ULK1: variants seen among roughly 807,000 people sequenced by gnomAD.
ULK1 encodes serine/threonine-protein kinase ULK1.
A neutral mutation model predicts 117.5 loss-of-function variants in ULK1; 48 were observed. The ratio of observed to expected loss-of-function variants is 0.41; its 90% confidence interval spans 0.32 to 0.52. The LOEUF (loss-of-function observed/expected upper bound fraction) is 0.52, where lower values mean the gene tolerates loss of function less well. Ranked by LOEUF, ULK1 falls within the 20% of genes least tolerant of loss-of-function variation. ULK1 has a pLI of 0.29. For synonymous variants in ULK1, 790 were observed against 637.8 expected (o/e 1.24, Z -3.60); for missense variants, 1,387 against 1,473.4 (o/e 0.94, Z 0.96).
chr12:131,915,444 A>C (rs780924671), intron 18 of ULK1, 23 bp downstream of exon 18: 1 of 1,608,214 alleles, frequency 6.2e-7, no homozygotes, highest in Non-Finnish European at 8.5e-7. Context: ...CGGAGGGGGG[A>C]GGGGGTGCTA....
intron 18 of ULK1, among the ~76,000 whole-genome samples, chr12:131,915,662 G>A (rs1889745110): frequency 6.6e-6 from 1 of 152,096 alleles, no homozygotes; most frequent in Non-Finnish European, 1.5e-5. Flanking sequence ...TCAGCTACTC[G>A]GGAGGCTGAG....
In ULK1 at chr12:131,902,118, G is replaced by T. The variant is rs1462534309; in HGVS notation, c.247-4774G>T. On this transcript the variant is annotated intron_variant, in intron 3 of 27. Coordinates refer to ENST00000321867, the MANE Select transcript of ULK1 (RefSeq NM_003565.4). The surrounding 1 kb of genome is among the most constrained non-coding windows in gnomAD (Gnocchi z 6.3). Reference sequence around the variant, plus strand: ...CATACACAATGGGCGGCTGCAGGTGGTTCCCCAGGGCCAGAGGGTGGCCCT... The same window carrying T: ...CATACACAATGGGCGGCTGCAGGTGTTTCCCCAGGGCCAGAGGGTGGCCCT... Among the ~76,000 whole-genome samples the T allele has an allele frequency of 2.0e-5, 3 of 152,190 alleles. No individual in the cohort carries two copies. The highest frequency in any genetic ancestry group is 7.2e-5 in the African/African-American group (3 of 41,458).
chr12:131,913,460 C>CCGAGG (rs1449352028), intron 14 of ULK1, among the ~76,000 whole-genome samples: 2 of 151,724 alleles, frequency 1.3e-5, no homozygotes, highest in African/African-American at 4.8e-5. Context: ...CTTTGGGAGG[C>CCGAGG]CGAGGCGGAT....
intron 23 of ULK1, 152 bp downstream of exon 23, chr12:131,918,833 G>GTGTA (rs1566129053): frequency 4.3e-4 from 20 of 46,182 alleles, no homozygotes; most frequent in Non-Finnish European, 1.2e-3. Context: ...GAGTGTGTGG[G>GTGTA]GTGTGGGGTG....
intron 3 of ULK1, among the ~76,000 whole-genome samples, chr12:131,904,885 C>A (rs569590921): frequency 6.6e-6 from 1 of 152,256 alleles, no homozygotes; most frequent in East Asian, 1.9e-4. Flanking sequence ...TCATCTCCCC[C>A]TCCTTCCTGG....
In ULK1 at chr12:131,919,204, T is replaced by G. The variant is rs372900364; in HGVS notation, c.2512-8T>G. The G allele has an allele frequency of 6.9e-5, 109 of 1,589,158 alleles. No homozygotes were observed. Among genetic ancestry groups the G allele is most frequent in the Admixed American group, 1.7e-4 (10 of 58,820 alleles). ...AGCACTTGCCGCCCTGACGGCCGCT[T>G]CCTGCAGCAAGAGCACACGGAGATC... On this transcript the variant is annotated splice_polypyrimidine_tract_variant and splice_region_variant and intron_variant, in intron 23 of 27. Coordinates refer to ENST00000321867, the MANE Select transcript of ULK1 (RefSeq NM_003565.4).
In ULK1 at chr12:131,919,444, C is replaced by T. The variant is rs765491774; in HGVS notation, c.2685-28C>T. 8 of 1,598,714 alleles carry T rather than the reference C, an allele frequency of 5.0e-6. No individual in the cohort carries two copies. In the African/African-American group the frequency reaches 8.0e-5, roughly 16 times the overall value. ...TGGCCTGGGGGCCAGGACCAACCGG[C>T]CTCCTCTGATCTGCCTGCCGCCCCC... On this transcript the variant is annotated intron_variant, in intron 24 of 27. Coordinates refer to ENST00000321867, the MANE Select transcript of ULK1 (RefSeq NM_003565.4).
At chr12:131,912,333 T>C (rs1007320020) in intron 13 of ULK1, among the ~76,000 whole-genome samples, 3 of 152,316 alleles carry the variant, frequency 2.0e-5, no homozygotes, top group Admixed American at 1.3e-4. Flanking sequence ...CTGGTCTCCT[T>C]AGACAGTGCT....
chr12:131,897,121 C>T (rs972066378), intron 3 of ULK1: 3 of 152,262 alleles, frequency 2.0e-5, no homozygotes, highest in Admixed American at 6.5e-5. Flanking sequence ...TTTCTCTACT[C>T]AGGAAGCACT....
chr12:131,895,955 C>T, intron 3 of ULK1, 131 bp downstream of exon 3: 2 of 1,186,454 alleles, frequency 1.7e-6, no homozygotes, highest in South Asian at 1.2e-5. Context: ...GAGACTCCAC[C>T]CTGGGTCCAG....
In ULK1 at chr12:131,922,270, G is replaced by A; in HGVS notation, c.*909G>A. The A allele has an allele frequency of 2.9e-6, 1 of 350,506 alleles. No homozygotes were observed. Among genetic ancestry groups the A allele is most frequent in the Non-Finnish European group, 5.7e-6 (1 of 176,226 alleles). The allele number at this position is 350,506 out of a possible 1,614,324, so 21.7% of individuals were successfully genotyped here. A position where few individuals can be genotyped will look rare whatever the true frequency, so the allele number is the denominator to read the frequency against. The stretch of plus-strand genomic sequence containing the variant: ...GAGGCAGATGGCACAGGGGCGTGTG[G>A]CGGGCGGGTGAGGCTGCTTTGCACA... On this transcript the variant is annotated 3_prime_UTR_variant, in exon 28 of 28. Transcript: ENST00000321867.
At chr12:131,906,604 C>A in intron 3 of ULK1, 1 of 501,848 alleles carries the variant, frequency 2.0e-6, no homozygotes, top group East Asian at 3.6e-5. Context: ...ACACACCTGG[C>A]CTTCACCCTT....
In ULK1 at chr12:131,910,847, A is replaced by G. The variant is rs770611096; in HGVS notation, c.948+47A>G. The G allele has an allele frequency of 1.9e-6, 3 of 1,608,144 alleles. No individual in the cohort carries two copies. In the East Asian group the frequency reaches 6.7e-5, roughly 36 times the overall value. On this transcript the variant is annotated intron_variant, in intron 12 of 27. Coordinates refer to ENST00000321867, the MANE Select transcript of ULK1 (RefSeq NM_003565.4). ...TTGGCAGCTTCTCCCTCCACTCAGC[A>G]GTCAGGGGCTCCAGCCCTGGGCCCC...
At position 131,914,434 on chromosome 12, in the gene ULK1, A is replaced by T; in HGVS notation, c.1330A>T (p.Ile444Phe). 1 of 1,612,772 alleles carries T rather than the reference A, an allele frequency of 6.2e-7. No homozygotes were observed. Among genetic ancestry groups the T allele is most frequent in the Non-Finnish European group, 8.5e-7 (1 of 1,179,960 alleles). ...CACGCAGGTGCAGAACTACCAGCGC[A>T]TTGAGCGAAACCTGCAGTCACCCAC... ...VPTQVQNYQR[I>F]ERNLQSPTQF... Residue 444 changes from isoleucine to phenylalanine, a missense_variant, in exon 16 of 28, where the codon ATT becomes TTT. Coordinates refer to ENST00000321867, the MANE Select transcript of ULK1 (RefSeq NM_003565.4).
chr12:131,923,094 G>A lies in ULK1; in HGVS notation c.*1733G>A, dbSNP rs900908760. 1.6e-4 allele frequency: 24 copies of A among 152,342 alleles called. No homozygotes were observed. Among genetic ancestry groups the A allele is most frequent in the African/African-American group, 5.8e-4 (24 of 41,586 alleles). The allele number at this position is 152,342 out of a possible 1,614,324, so 9.4% of individuals were successfully genotyped here. On this transcript the variant is annotated 3_prime_UTR_variant, in exon 28 of 28. Transcript: ENST00000321867. ...TAAAGCGAATTTTGTGTGATTTCCT[G>A]CCCTTTGCGTTATATTGTATAATAC...
At chr12:131,907,262 C>G (rs1458846965) in intron 4 of ULK1, among the ~76,000 whole-genome samples, 2 of 152,240 alleles carry the variant, frequency 1.3e-5, no homozygotes, top group Non-Finnish European at 2.9e-5. Flanking sequence ...TTCAAGCGAT[C>G]TGCCCACCTT....
rs1566121574 is a variant in ULK1, at chr12:131,912,092, C to G, written c.1096+3C>G. The G allele has an allele frequency of 3.1e-6, 5 of 1,610,462 alleles. No homozygotes were observed. Among genetic ancestry groups the G allele is most frequent in the Non-Finnish European group, 4.2e-6 (5 of 1,178,666 alleles). On this transcript the variant is annotated splice_donor_region_variant and intron_variant, in intron 13 of 27. Coordinates refer to ENST00000321867, the MANE Select transcript of ULK1 (RefSeq NM_003565.4). ...CATGGTCCCCGCGCAGTTTCCAGGT[C>G]AGGGGGCACGCTGGGCTTGGAGGTG...
chr12:131,917,734 G>A (rs956300050), intron 22 of ULK1, among the ~76,000 whole-genome samples, 180 bp downstream of exon 22: 12 of 152,276 alleles, frequency 7.9e-5, no homozygotes, highest in South Asian at 6.2e-4. Flanking sequence ...CGAAATGGAC[G>A]TGGTTCTGGT....
rs1889323382 is a variant in ULK1 at position 131,907,521 on chromosome 12, C to T, written c.306C>T (p.Asp102=). The T allele has an allele frequency of 1.2e-6, 2 of 1,612,294 alleles. No individual in the cohort carries two copies. Among genetic ancestry groups the T allele is most frequent in the African/African-American group, 2.7e-5 (2 of 75,040 alleles). ...ACTGCAACGGTGGGGACCTGGCCGA[C>T]TACCTGCACGGTGAGTGCACAGCTG... ...MEYCNGGDLA[D]YLHAMRTLSE... The change falls in exon 5 of 28, where the codon GAC becomes GAT. Residue 102 remains aspartate (D), a synonymous_variant. Transcript: ENST00000321867.
Sources: gnomAD v4.1 joint callset for allele counts (sites outside exome capture counted in the v4.1 genomes callset) on GRCh38, gnomAD v4.1.1 for gene constraint, Gnocchi (gnomAD v3.1) non-coding constraint, MANE v1.5 for transcripts, NCBI Gene and HGNC (gene_info 2026-07-23, HGNC 2026-07-21) for gene names.